The following TMEM50B variants were observed in gnomAD, a reference collection of about 807,000 sequenced individuals.
The protein encoded by TMEM50B is HCV p7-trans-regulated protein 3.
A neutral mutation model predicts 23.4 loss-of-function variants in TMEM50B; 14 were observed. The observed-to-expected ratio is 0.60, with a 90% confidence interval of 0.39 to 0.93. TMEM50B has a LOEUF of 0.93. TMEM50B is among the 40% of genes least tolerant of loss of function. The pLI is 0.00. For missense variants in TMEM50B, 159 were observed against 193.0 expected (o/e 0.82, Z 1.04); for synonymous variants, 64 against 62.3 (o/e 1.03, Z -0.13).
intron 5 of TMEM50B, among the ~76,000 whole-genome samples, chr21:33,459,322 A>G (rs2084196984): frequency 6.6e-6 from 1 of 152,136 alleles, no homozygotes; most frequent in Non-Finnish European, 1.5e-5. Context: ...GAGTATACAT[A>G]TGTGTTCAGT....
chr21:33,447,050 C>T (rs73195835), downstream of TMEM50B: 22,799 of 149,590 alleles, frequency 0.15, 2,122 homozygotes, highest in East Asian at 0.42. Flanking sequence ...GGCTGAGGCA[C>T]GAGAACCATT....
intron 5 of TMEM50B, among the ~76,000 whole-genome samples, chr21:33,459,171 A>T (rs2084195676): frequency 6.6e-6 from 1 of 152,184 alleles, no homozygotes; most frequent in Non-Finnish European, 1.5e-5. Flanking sequence ...CAGTCTTCCG[A>T]CGCTTCCAGA....
At chr21:33,459,092 G>C (rs1159093178) in intron 5 of TMEM50B, among the ~76,000 whole-genome samples, 1 of 152,222 alleles carries the variant, frequency 6.6e-6, no homozygotes, top group African/African-American at 2.4e-5. Context: ...AGAGGAGTCA[G>C]AGGATGAATA....
rs144449375 is a variant in TMEM50B, at chr21:33,434,531, AAAT to A, written c.*2121-1732_*2121-1730del. On this transcript the variant is annotated intron_variant and NMD_transcript_variant, in intron 8 of 8. Transcript: ENST00000420455. ...AGCAAGACTCCATCTCAAAAAAATAAAATAAATAAAAAGCATTTGCTTCTGGAG... is the reference window on the plus strand; with the variant it reads ...AGCAAGACTCCATCTCAAAAAAATAAAAATAAAAAGCATTTGCTTCTGGAG... Among the ~76,000 whole-genome samples the A allele has an allele frequency of 1.9e-3, 294 of 152,268 alleles. 3 individuals carry two copies. Among genetic ancestry groups the A allele is most frequent in the Non-Finnish European group, 3.8e-3 (261 of 68,024 alleles).
chr21:33,476,300 T>C (rs1216773587), intron 1 of TMEM50B, among the ~76,000 whole-genome samples: 5 of 151,316 alleles, frequency 3.3e-5, no homozygotes, highest in Non-Finnish European at 5.9e-5. Context: ...GGAGAATTGC[T>C]TGAACCTGGG....
At chr21:33,441,189 C>A (rs1305599454) in intron 7 of TMEM50B, among the ~76,000 whole-genome samples, 1 of 151,866 alleles carries the variant, frequency 6.6e-6, no homozygotes, top group Non-Finnish European at 1.5e-5. Flanking sequence ...CAGATGACAC[C>A]ACTGCACCTC....
intron 1 of TMEM50B, among the ~76,000 whole-genome samples, chr21:33,478,173 A>G (rs2084391629): frequency 1.3e-5 from 2 of 151,796 alleles, no homozygotes; most frequent in Non-Finnish European, 2.9e-5. Context: ...AATAATAATA[A>G]TACACTTTAA....
chr21:33,435,209 T>C (rs541844912), intron 8 of TMEM50B, among the ~76,000 whole-genome samples: 1 of 152,232 alleles, frequency 6.6e-6, no homozygotes, highest in East Asian at 1.9e-4. Context: ...AAACACCCCT[T>C]TATATGTTAA....
chr21:33,456,560 T>C (rs981167254), intron 5 of TMEM50B, among the ~76,000 whole-genome samples: 5 of 152,306 alleles, frequency 3.3e-5, no homozygotes, highest in Middle Eastern at 3.4e-3. Flanking sequence ...ATTTAAAAAA[T>C]ACTGGAGAAG....
chr21:33,475,058 C>T (rs1301215063), intron 1 of TMEM50B, among the ~76,000 whole-genome samples: 2 of 150,996 alleles, frequency 1.3e-5, no homozygotes, highest in Non-Finnish European at 2.9e-5. Flanking sequence ...TCCCAAGTAG[C>T]GGAGATTACA....
At chr21:33,453,286 C>T (rs1284899685) in intron 6 of TMEM50B, among the ~76,000 whole-genome samples, 1 of 151,926 alleles carries the variant, frequency 6.6e-6, no homozygotes, top group Non-Finnish European at 1.5e-5. Flanking sequence ...GATGAGGTTT[C>T]ACCATGTTGG....
intron 1 of TMEM50B, among the ~76,000 whole-genome samples, chr21:33,470,698 C>G (rs2084307321): frequency 6.6e-6 from 1 of 152,094 alleles, no homozygotes; most frequent in Non-Finnish European, 1.5e-5. Flanking sequence ...TGCCCTCCAG[C>G]CTGGGCAACA....
intron 8 of TMEM50B, among the ~76,000 whole-genome samples, chr21:33,436,266 T>C (rs1386677765): frequency 1.3e-5 from 2 of 151,370 alleles, no homozygotes; most frequent in Admixed American, 6.6e-5. Flanking sequence ...GAGGCAGAGG[T>C]TGCAGTGAGA....
intron 5 of TMEM50B, among the ~76,000 whole-genome samples, chr21:33,458,720 TG>T (rs765547611): frequency 6.6e-6 from 1 of 152,236 alleles, no homozygotes; most frequent in Non-Finnish European, 1.5e-5. Context: ...ATATTTTAAA[TG>T]GCTGAATTAT....
intron 6 of TMEM50B, among the ~76,000 whole-genome samples, chr21:33,454,592 C>T (rs1403299861): frequency 6.6e-6 from 1 of 152,136 alleles, no homozygotes; most frequent in Non-Finnish European, 1.5e-5. Flanking sequence ...TGAGCCACCA[C>T]ACCTGGCTGG....
intron 1 of TMEM50B, among the ~76,000 whole-genome samples, chr21:33,474,056 G>A (rs1341313584): frequency 6.6e-6 from 1 of 152,040 alleles, no homozygotes; most frequent in Non-Finnish European, 1.5e-5. Context: ...AAGGCTACAA[G>A]ATTCTAAAAC....
At chr21:33,437,854 T>A (rs538303500) in intron 8 of TMEM50B, among the ~76,000 whole-genome samples, 1 of 151,696 alleles carries the variant, frequency 6.6e-6, no homozygotes, top group Non-Finnish European at 1.5e-5. Flanking sequence ...CATGATGACA[T>A]GCACCTGTAG....
At chr21:33,442,775 G>A (rs796102037) in intron 7 of TMEM50B, among the ~76,000 whole-genome samples, 2 of 152,032 alleles carry the variant, frequency 1.3e-5, no homozygotes, top group African/African-American at 4.8e-5. Flanking sequence ...ACAAAAATTA[G>A]CCAGGCATGA....
At chr21:33,447,717 CACATAT>C (rs751992397), downstream of TMEM50B, among the ~76,000 whole-genome samples, 15,682 of 90,212 alleles carry the variant, frequency 0.17, 878 homozygotes, top group East Asian at 0.33. Flanking sequence ...CACACACACA[CACATAT>C]ATATATATAC....
Sources: allele counts gnomAD v4.1 joint callset (sites outside exome capture counted in the v4.1 genomes callset), GRCh38; gene constraint gnomAD v4.1.1; transcripts MANE v1.5; gene names NCBI Gene and HGNC (gene_info 2026-07-23, HGNC 2026-07-21).